TMEM120B: variants seen among roughly 807,000 people sequenced by gnomAD.
TMEM120B encodes transmembrane protein 120B.
Under a neutral mutation model 55.5 loss-of-function variants are expected in TMEM120B, and 31 were observed. The observed-to-expected ratio is 0.56, with a 90% CI of 0.42 to 0.75. TMEM120B has a LOEUF of 0.75. Ranked by LOEUF, TMEM120B falls within the 30% of genes least tolerant of loss-of-function variation. TMEM120B has a pLI of 0.00. For missense variants in TMEM120B, 399 were observed against 425.5 expected (o/e 0.94, Z 0.55); for synonymous variants, 203 against 176.3 (o/e 1.15, Z -1.20).
chr12:121,736,199 G>A (rs928062900), intron 1 of TMEM120B, among the ~76,000 whole-genome samples: 2 of 150,978 alleles, frequency 1.3e-5, no homozygotes, highest in Non-Finnish European at 3.0e-5. Flanking sequence ...TTAAGACGGC[G>A]TGTCTCGCTC....
At chr12:121,726,200 T>A (rs1299951516) in intron 1 of TMEM120B, among the ~76,000 whole-genome samples, 1 of 152,072 alleles carries the variant, frequency 6.6e-6, no homozygotes, top group Non-Finnish European at 1.5e-5. Flanking sequence ...TTGTACAACC[T>A]GGTAAATGTA....
chr12:121,757,237 C>G (rs1446498646), intron 5 of TMEM120B, among the ~76,000 whole-genome samples: 4 of 152,024 alleles, frequency 2.6e-5, no homozygotes, highest in Non-Finnish European at 5.9e-5. Context: ...TCTCAGCTCA[C>G]TGCAACCTCT....
At chr12:121,765,907 G>A (rs560802686) in intron 6 of TMEM120B, among the ~76,000 whole-genome samples, 3 of 152,134 alleles carry the variant, frequency 2.0e-5, no homozygotes, top group Non-Finnish European at 2.9e-5. Flanking sequence ...AGCCTGTGTG[G>A]AGGCGGTGGG....
chr12:121,781,057 G>GCCA lies in TMEM120B; in HGVS notation c.*5341_*5343dup, dbSNP rs1304837487. The GCCA allele has an allele frequency of 1.2e-6, 2 of 1,613,856 alleles. No homozygotes were observed. Among genetic ancestry groups the GCCA allele is most frequent in the Admixed American group, 1.7e-5 (1 of 59,998 alleles). On this transcript the variant is annotated 3_prime_UTR_variant, in exon 12 of 12. Coordinates refer to ENST00000449592, the MANE Select transcript of TMEM120B (RefSeq NM_001080825.2). ...GGGTGCGGCCGGGCCCAGATGTGGG[G>GCCA]CCACCACCCAGGAGGCCGGCCTCAC... is the stretch of plus-strand genomic sequence containing the variant.
chr12:121,723,870 A>G (rs1235106447), intron 1 of TMEM120B, among the ~76,000 whole-genome samples: 2 of 152,010 alleles, frequency 1.3e-5, no homozygotes, highest in Non-Finnish European at 2.9e-5. Flanking sequence ...GGGTGTGATC[A>G]TGACCACGGC....
chr12:121,739,895 C>T (rs1872881076), intron 1 of TMEM120B, among the ~76,000 whole-genome samples: 1 of 149,476 alleles, frequency 6.7e-6, no homozygotes, highest in Non-Finnish European at 1.5e-5. Flanking sequence ...TCTCCTGCCT[C>T]AGCCTCCTGA....
chr12:121,748,485 C>A, intron 3 of TMEM120B, 43 bp downstream of exon 3: 1 of 1,358,350 alleles, frequency 7.4e-7, no homozygotes, highest in Non-Finnish European at 1.0e-6. Context: ...AGGCCCATGC[C>A]CAGGCCTAGC....
intron 1 of TMEM120B, among the ~76,000 whole-genome samples, chr12:121,741,515 G>C (rs1872933037): frequency 6.6e-6 from 1 of 152,206 alleles, no homozygotes; most frequent in African/African-American, 2.4e-5. Context: ...TGTTAGTAGA[G>C]ACAGGGTTTC....
At position 121,780,833 on chromosome 12, in the gene TMEM120B, C is replaced by T. The variant is rs756169727; in HGVS notation, c.*5111C>T. On this transcript the variant is annotated 3_prime_UTR_variant, in exon 12 of 12. Transcript: ENST00000449592. ...GAGGCCAAAGGTCCGGGAGGCTTCACAGCCACGGCTGTGCCCCAGGGTCTT... is the reference window on the plus strand; with the variant it reads ...GAGGCCAAAGGTCCGGGAGGCTTCATAGCCACGGCTGTGCCCCAGGGTCTT... 4 of 1,593,098 alleles carry T rather than the reference C, an allele frequency of 2.5e-6. No homozygotes were observed. Among genetic ancestry groups the T allele is most frequent in the East Asian group, 2.2e-5 (1 of 44,746 alleles).
rs1194441841 is a variant in TMEM120B, at chr12:121,775,699, A to G, written c.997A>G (p.Arg333Gly). ...CGTGCATGCCAAGCTCCAGAAGAAC[A>G]GAGGCAAGACAAAGCAGCCGTGAGC... Reference protein sequence around the residue: ...KVVHAKLQKNRGKTKQP With the variant: ...KVVHAKLQKNGGKTKQP Residue 333 changes from arginine (R) to glycine (G), a missense_variant, in exon 12 of 12, where the codon AGA becomes GGA. Physicochemically the swap from Arg to Gly is moderately radical, Grantham distance 125 (BLOSUM62 -2). Coordinates refer to ENST00000449592, the MANE Select transcript of TMEM120B (RefSeq NM_001080825.2). The surrounding 1 kb of genome is among the most constrained non-coding windows in gnomAD (Gnocchi z 4.3). 1.2e-6 allele frequency: 2 copies of G among 1,613,954 alleles called. No individual in the cohort carries two copies. Among genetic ancestry groups the G allele is most frequent in the Non-Finnish European group, 1.7e-6 (2 of 1,180,000 alleles).
In TMEM120B at chr12:121,775,566, G is replaced by C. The variant is rs768033227; in HGVS notation, c.907-43G>C. The C allele has an allele frequency of 1.3e-6, 2 of 1,588,730 alleles. No individual in the cohort carries two copies. The highest frequency in any genetic ancestry group is 1.7e-5 in the Admixed American group (1 of 58,648). On this transcript the variant is annotated intron_variant, in intron 11 of 11. Transcript: ENST00000449592. This position sits in a 1 kb window ranked among gnomAD's most constrained non-coding sequence, Gnocchi z 4.3. ...GGGTGCTGGGGGCAGGGGTTCAGCA[G>C]GGCAGATGCCCCAGCCTCGCCCTCC... is the stretch of plus-strand genomic sequence containing the variant.
In TMEM120B at chr12:121,769,731, T is replaced by TGTGTGTGC. The variant is rs753747759; in HGVS notation, c.552-1170_552-1169insGCGTGTGT. Among the ~76,000 whole-genome samples the TGTGTGTGC allele has an allele frequency of 6.4e-3, 971 of 151,966 alleles. 3 individuals carry two copies. The highest frequency in any genetic ancestry group is 0.01 in the Non-Finnish European group (686 of 67,978). On this transcript the variant is annotated intron_variant, in intron 6 of 11. Coordinates refer to ENST00000449592, the MANE Select transcript of TMEM120B (RefSeq NM_001080825.2). ...AAGAGAAAACGTGTGTGTGTGTGTG[T>TGTGTGTGC]GTGTGTACATGCATGCTTATTCAAC...
At chr12:121,714,562 T>A (rs1894661871) in intron 1 of TMEM120B, among the ~76,000 whole-genome samples, 1 of 145,210 alleles carries the variant, frequency 6.9e-6, no homozygotes, top group African/African-American at 2.6e-5. Context: ...CACTTCTTTT[T>A]TTTTTTTTTT....
intron 3 of TMEM120B, among the ~76,000 whole-genome samples, chr12:121,749,344 C>T (rs1375358557): frequency 6.6e-6 from 1 of 152,196 alleles, no homozygotes; most frequent in Non-Finnish European, 1.5e-5. Flanking sequence ...GGCCTCTGTG[C>T]CTCTTAACCT....
Position 121,727,873 on chromosome 12 carries a change from CAA to C in TMEM120B, c.69+14927_69+14928del, listed in dbSNP as rs10710244. 7.6e-4 allele frequency among the ~76,000 whole-genome samples: 61 copies of C among 80,564 alleles called. 1 individual carries two copies. The highest frequency in any genetic ancestry group is 2.2e-3 in the African/African-American group (43 of 19,730). The allele number at this position is 80,564 out of a possible 152,430, so 52.9% of individuals were successfully genotyped here. A position where few individuals can be genotyped will look rare whatever the true frequency, so the allele number is the denominator to read the frequency against. ...TGGGCGACAGAGCGACACTCCATCT[CAA>C]AAAAAAAAAAAAAAAAAGAGATTGG... is the stretch of plus-strand genomic sequence containing the variant. On this transcript the variant is annotated intron_variant, in intron 1 of 11. Transcript: ENST00000449592.
rs373591469 is a variant in TMEM120B at position 121,748,386 on chromosome 12, C to T, written c.249C>T (p.Ile83=). The T allele has an allele frequency of 6.2e-7, 1 of 1,610,914 alleles. No individual in the cohort carries two copies. Among genetic ancestry groups the T allele is most frequent in the African/African-American group, 1.3e-5 (1 of 74,780 alleles). The change falls in exon 3 of 12, where the codon ATC becomes ATT. Residue 83 remains isoleucine, a synonymous_variant. Coordinates refer to ENST00000449592, the MANE Select transcript of TMEM120B (RefSeq NM_001080825.2). ...AELVQQMAAN[I]KERQDVFFDM... is the part of the protein sequence containing the mutation. Reference sequence around the variant, plus strand: ...TCGTTCAGCAGATGGCAGCGAACATCAAGGAGCGGCAGGACGTCTTCTTCG... The same window carrying T: ...TCGTTCAGCAGATGGCAGCGAACATTAAGGAGCGGCAGGACGTCTTCTTCG...
intron 1 of TMEM120B, among the ~76,000 whole-genome samples, chr12:121,734,405 T>A (rs987451595): frequency 2.0e-5 from 3 of 151,402 alleles, no homozygotes; most frequent in African/African-American, 4.8e-5. Flanking sequence ...ATTACAGGCA[T>A]GAACCACCAT....
Position 121,781,041 on chromosome 12 carries a change from C to T in TMEM120B, c.*5319C>T, listed in dbSNP as rs190607752. 24 of 1,613,526 alleles carry T rather than the reference C, an allele frequency of 1.5e-5. 1 individual carries two copies. Among genetic ancestry groups the T allele is most frequent in the East Asian group, 1.3e-4 (6 of 44,874 alleles). ...GAGGAGGCGGGATCAGGGGTGCGGC[C>T]GGGCCCAGATGTGGGGCCACCACCC... On this transcript the variant is annotated 3_prime_UTR_variant, in exon 12 of 12. Transcript: ENST00000449592.
chr12:121,731,911 C>T (rs764089913), intron 1 of TMEM120B, among the ~76,000 whole-genome samples: 6 of 152,038 alleles, frequency 3.9e-5, no homozygotes, highest in African/African-American at 7.2e-5. Flanking sequence ...CCGAGGCAGG[C>T]GGATCACCTG....
Sources: gnomAD v4.1 joint callset for allele counts (sites outside exome capture counted in the v4.1 genomes callset) on GRCh38, gnomAD v4.1.1 for gene constraint, Gnocchi (gnomAD v3.1) non-coding constraint, MANE v1.5 for transcripts, NCBI Gene and HGNC (gene_info 2026-07-23, HGNC 2026-07-21) for gene names.